TMPRSS11F: variants seen among roughly 807,000 people sequenced by gnomAD.
TMPRSS11F encodes the protein transmembrane protease serine 11F.
A neutral mutation model predicts 60.2 loss-of-function variants in TMPRSS11F; 47 were observed. That is an observed-to-expected ratio of 0.78 (90% confidence interval 0.62 to 1.00). The LOEUF is 1.00. Among genes scored for constraint, TMPRSS11F ranks in the 50% least tolerant of loss-of-function variants. TMPRSS11F has a pLI of 0.00. For synonymous variants in TMPRSS11F, 166 were observed against 167.3 expected, an observed-to-expected ratio of 0.99 and a Z score of 0.06; for missense variants, 519 against 522.9, an observed-to-expected ratio of 0.99 and a Z score of 0.07.
chr4:68,061,093 A>G (rs527436485), intron 8 of TMPRSS11F, among the ~76,000 whole-genome samples: 1 of 152,228 alleles, frequency 6.6e-6, no homozygotes, highest in South Asian at 2.1e-4. Context: ...ATAAAATGAT[A>G]CATTAGGTAA....
chr4:68,094,292 C>T (rs1306588962), intron 2 of TMPRSS11F, among the ~76,000 whole-genome samples: 9 of 124,692 alleles, frequency 7.2e-5, no homozygotes, highest in Non-Finnish European at 1.4e-4. Flanking sequence ...AGTAAACTAT[C>T]GCAAGAACAG....
Position 68,090,597 on chromosome 4 carries a change from T to C in TMPRSS11F, c.208A>G (p.Ile70Val), listed in dbSNP as rs773993944. Residue 70 changes from isoleucine to valine, a missense_variant, in exon 3 of 10, where the codon ATC becomes GTC. Physicochemically the swap from Ile to Val is conservative, Grantham distance 29 (BLOSUM62 3). Transcript: ENST00000356291. ...YYLASFKVTN[I>V]KYKENYGIRS... ...ATGCCATAATTTTCTTTATATTTGA[T>C]ATTTGTGACTTTAAAAGAGGCAAGG... 1.9e-6 allele frequency: 3 copies of C among 1,601,830 alleles called. No homozygotes were observed. The highest frequency in any genetic ancestry group is 2.6e-6 in the Non-Finnish European group (3 of 1,172,792).
chr4:68,091,656 G>A (rs1459039937), intron 2 of TMPRSS11F, among the ~76,000 whole-genome samples: 2 of 151,538 alleles, frequency 1.3e-5, no homozygotes, highest in South Asian at 2.1e-4. Context: ...ATATCCACAT[G>A]GTCACCCAAG....
intron 2 of TMPRSS11F, among the ~76,000 whole-genome samples, chr4:68,098,422 T>TA (rs1290389103): frequency 2.0e-5 from 3 of 152,210 alleles, no homozygotes; most frequent in African/African-American, 7.2e-5. Context: ...TAGGAAGTAA[T>TA]ACTGAGCTTT....
At chr4:68,105,376 C>T (rs142834721) in intron 1 of TMPRSS11F, among the ~76,000 whole-genome samples, 27 of 152,046 alleles carry the variant, frequency 1.8e-4, no homozygotes, top group South Asian at 6.2e-4. Context: ...AAACAGAAAA[C>T]GTCCGTATAT....
chr4:68,113,562 T>C (rs561466356), intron 1 of TMPRSS11F, among the ~76,000 whole-genome samples: 1 of 152,204 alleles, frequency 6.6e-6, no homozygotes, highest in African/African-American at 2.4e-5. Flanking sequence ...TATAAAAGGG[T>C]CAATTCATCA....
intron 1 of TMPRSS11F, among the ~76,000 whole-genome samples, chr4:68,124,701 G>A (rs1459940626): frequency 6.6e-6 from 1 of 152,198 alleles, no homozygotes; most frequent in Non-Finnish European, 1.5e-5. Flanking sequence ...GGGCATAAGA[G>A]TAGTAGATAT....
intron 8 of TMPRSS11F, chr4:68,063,026 A>G (rs762989824): frequency 1.5e-6 from 1 of 670,790 alleles, no homozygotes; most frequent in East Asian, 3.3e-5. Context: ...TGACACGCTC[A>G]TTTGGGAGTC....
intron 3 of TMPRSS11F, among the ~76,000 whole-genome samples, chr4:68,087,184 C>T (rs567383149): frequency 1.8e-4 from 27 of 152,222 alleles, no homozygotes; most frequent in Non-Finnish European, 3.5e-4. Context: ...ATCAAGTAGG[C>T]TTTATTCCTG....
chr4:68,123,822 A>G (rs911287475), intron 1 of TMPRSS11F, among the ~76,000 whole-genome samples: 1 of 152,200 alleles, frequency 6.6e-6, no homozygotes, highest in African/African-American at 2.4e-5. Flanking sequence ...CCTTAACAAG[A>G]CAAGCCTCTA....
chr4:68,065,020 C>T (rs1015117813), intron 7 of TMPRSS11F, 76 bp from the exon 8 acceptor site: 2 of 1,410,310 alleles, frequency 1.4e-6, no homozygotes, highest in Non-Finnish European at 1.9e-6. Flanking sequence ...TATTTCTTCC[C>T]AACTGTCAGT....
At chr4:68,086,592 G>T (rs1297625509) in intron 3 of TMPRSS11F, among the ~76,000 whole-genome samples, 1 of 151,914 alleles carries the variant, frequency 6.6e-6, no homozygotes, top group Non-Finnish European at 1.5e-5. Flanking sequence ...CAAATTTTTG[G>T]TTTATTGAAA....
chr4:68,057,010 C>T (rs1432695848), intron 9 of TMPRSS11F, among the ~76,000 whole-genome samples: 1 of 152,024 alleles, frequency 6.6e-6, no homozygotes, highest in African/African-American at 2.4e-5. Context: ...TTAGGCTGGG[C>T]GTGGTGGCTC....
intron 8 of TMPRSS11F, among the ~76,000 whole-genome samples, chr4:68,060,678 T>C (rs918022309): frequency 6.6e-6 from 1 of 151,426 alleles, no homozygotes; most frequent in Non-Finnish European, 1.5e-5. Flanking sequence ...AACAATAAAA[T>C]ATGAATTTTT....
At chr4:68,063,823 C>CA (rs759543994) in intron 8 of TMPRSS11F, among the ~76,000 whole-genome samples, 22 of 151,408 alleles carry the variant, frequency 1.5e-4, no homozygotes, top group Non-Finnish European at 2.8e-4. Context: ...ATTGACTAAC[C>CA]AAAAAAAATG....
chr4:68,072,430 G>A lies in TMPRSS11F; in HGVS notation c.407C>T (p.Thr136Ile), dbSNP rs1433612513. The change falls in exon 5 of 10, where the codon ACT becomes ATT. Residue 136 changes from threonine (T) to isoleucine (I), a missense_variant. By Grantham distance (89) the Thr-to-Ile change is moderately conservative. Coordinates refer to ENST00000356291, the MANE Select transcript of TMPRSS11F (RefSeq NM_207407.2). The part of the protein sequence containing the change: ...LIVLIFRYPS[T>I]DSAEQIKKKI... ...TTTCTTGATTTGTTCAGCACTATCA[G>A]TAGATGGGTATCGAAATATGAGCAC... 4 of 1,588,044 alleles carry A rather than the reference G, an allele frequency of 2.5e-6. No individual in the cohort carries two copies. Among genetic ancestry groups the A allele is most frequent in the Admixed American group, 1.7e-5 (1 of 59,102 alleles).
chr4:68,117,027 G>T (rs754086881), intron 1 of TMPRSS11F, among the ~76,000 whole-genome samples: 4 of 152,128 alleles, frequency 2.6e-5, no homozygotes, highest in Non-Finnish European at 5.9e-5. Flanking sequence ...CTTCTGCACA[G>T]TCAAGGAATC....
intron 3 of TMPRSS11F, among the ~76,000 whole-genome samples, chr4:68,079,418 G>A (rs1174953403): frequency 6.6e-6 from 1 of 152,122 alleles, no homozygotes; most frequent in Non-Finnish European, 1.5e-5. Flanking sequence ...CATGGTGAAA[G>A]AAACCCTTAA....
At chr4:68,054,160 G>C in intron 9 of TMPRSS11F, 93 bp from the exon 10 acceptor site, 1 of 1,139,086 alleles carries the variant, frequency 8.8e-7, no homozygotes, top group South Asian at 1.5e-5. Flanking sequence ...AAGGAAATTG[G>C]TACACAGACC....
Sources: allele counts gnomAD v4.1 joint callset (sites outside exome capture counted in the v4.1 genomes callset), GRCh38; gene constraint gnomAD v4.1.1; transcripts MANE v1.5; gene names NCBI Gene and HGNC (gene_info 2026-07-23, HGNC 2026-07-21).